Variants in EFCAB6 observed in about 807,000 individuals in gnomAD.
EFCAB6 encodes EF-hand calcium binding domain 6, also known as EF-hand calcium-binding domain-containing protein 6.
In EFCAB6, 156 loss-of-function variants were observed where a neutral mutation model predicts 169.8. The observed-to-expected ratio is 0.92, with a 90% confidence interval of 0.81 to 1.05. The LOEUF is 1.05. Ranked by LOEUF, EFCAB6 falls within the 50% of genes least tolerant of loss-of-function variation. EFCAB6 has a pLI of 0.00. For synonymous variants in EFCAB6, 698 were observed against 676.4 expected (o/e 1.03, Z -0.50); for missense variants, 1,800 against 1,829.1 (o/e 0.98, Z 0.29).
intron 2 of EFCAB6, among the ~76,000 whole-genome samples, chr22:43,789,847 TCACACACACA>T (rs34752280): frequency 5.0e-4 from 72 of 143,404 alleles, no homozygotes; most frequent in Admixed American, 1.7e-3. Flanking sequence ...TGGCTAACCT[TCACACACACA>T]CACACACACA....
intron 10 of EFCAB6, among the ~76,000 whole-genome samples, chr22:43,690,120 G>T (rs998208083): frequency 1.3e-5 from 2 of 152,052 alleles, no homozygotes; most frequent in African/African-American, 4.8e-5. Flanking sequence ...TTAAATTATT[G>T]CAATAATCTC....
chr22:43,711,497 T>C lies in EFCAB6; in HGVS notation c.1009A>G (p.Ile337Val). 3 of 1,582,192 alleles carry C rather than the reference T, an allele frequency of 1.9e-6. No homozygotes were observed. The highest frequency in any genetic ancestry group is 2.6e-6 in the Non-Finnish European group (3 of 1,171,650). The change falls in exon 10 of 32, where the codon ATT (isoleucine) becomes GTT (valine). Residue 337 changes from isoleucine (I) to valine (V), a missense_variant. By Grantham distance (29) the Ile-to-Val change is conservative. Transcript: ENST00000262726. Reference sequence around the variant, plus strand: ...TACCTTTTCATTAACTGGATAAAAATTCTTCTTGGTATTTGGTATACAAAA... The same window carrying C: ...TACCTTTTCATTAACTGGATAAAAACTCTTCTTGGTATTTGGTATACAAAA... ...DTFVYQIPRR[I>V]FIQLMKRFGL...
intron 26 of EFCAB6, among the ~76,000 whole-genome samples, chr22:43,575,301 CA>C (rs2050170890): frequency 6.6e-6 from 1 of 151,762 alleles, no homozygotes; most frequent in Admixed American, 6.6e-5. Flanking sequence ...GGTGATTCTC[CA>C]GCCTCAGCCT....
intron 12 of EFCAB6, among the ~76,000 whole-genome samples, chr22:43,682,363 C>T (rs2058039213): frequency 6.6e-6 from 1 of 152,210 alleles, no homozygotes; most frequent in African/African-American, 2.4e-5. Flanking sequence ...GTTTATTGAT[C>T]TCAAGTTGAA....
chr22:43,537,310 C>A lies in EFCAB6; in HGVS notation c.4048+67G>T. 6.4e-7 allele frequency: 1 copy of A among 1,569,988 alleles called. No homozygotes were observed. Among genetic ancestry groups the A allele is most frequent in the South Asian group, 1.2e-5 (1 of 83,970 alleles). On this transcript the variant is annotated intron_variant, in intron 29 of 31. Transcript: ENST00000262726. The surrounding 1 kb of genome is among the most constrained non-coding windows in gnomAD (Gnocchi z 4.3). ...TCCACCCGGGGTGTGGCTTTGTACC[C>A]AGTGGGAACAGCCTCTTGCCACAGG... is the stretch of plus-strand genomic sequence containing the variant.
intron 6 of EFCAB6, among the ~76,000 whole-genome samples, chr22:43,752,842 C>T (rs957760821): frequency 2.6e-5 from 4 of 152,048 alleles, no homozygotes; most frequent in African/African-American, 9.7e-5. Flanking sequence ...TCTTCGGTTT[C>T]TCATAAGGGA....
chr22:43,686,073 C>G (rs2058184135), intron 11 of EFCAB6, among the ~76,000 whole-genome samples: 1 of 148,852 alleles, frequency 6.7e-6, no homozygotes, highest in Non-Finnish European at 1.5e-5. Flanking sequence ...CCTCTGCATC[C>G]TGGGTTCAAG....
chr22:43,674,108 T>C (rs1175663662), intron 13 of EFCAB6, among the ~76,000 whole-genome samples: 1 of 152,200 alleles, frequency 6.6e-6, no homozygotes, highest in African/African-American at 2.4e-5. Context: ...TCAATAAAGC[T>C]GTTTTTAAAA....
At chr22:43,585,907 A>T (rs2051034382) in intron 24 of EFCAB6, among the ~76,000 whole-genome samples, 1 of 152,194 alleles carries the variant, frequency 6.6e-6, no homozygotes, top group Non-Finnish European at 1.5e-5. Flanking sequence ...TAAACCTAGA[A>T]TGCTAAATCC....
At chr22:43,549,635 A>G (rs1180611565) in intron 27 of EFCAB6, among the ~76,000 whole-genome samples, 1 of 152,224 alleles carries the variant, frequency 6.6e-6, no homozygotes, top group Non-Finnish European at 1.5e-5. Flanking sequence ...ATCTTACCCA[A>G]ATTATTCTGG....
chr22:43,781,761 A>C (rs1179525171), intron 3 of EFCAB6, among the ~76,000 whole-genome samples: 1 of 152,126 alleles, frequency 6.6e-6, no homozygotes, highest in Non-Finnish European at 1.5e-5. Flanking sequence ...TAACAAATGT[A>C]CCACAGTAAT....
At chr22:43,620,934 A>G (rs959986706) in intron 20 of EFCAB6, among the ~76,000 whole-genome samples, 1 of 152,184 alleles carries the variant, frequency 6.6e-6, no homozygotes, top group African/African-American at 2.4e-5. Context: ...ATTCTTTTCA[A>G]GTATACACAG....
chr22:43,794,045 T>A (rs2062408337), intron 2 of EFCAB6, among the ~76,000 whole-genome samples: 2 of 152,044 alleles, frequency 1.3e-5, no homozygotes, highest in African/African-American at 4.8e-5. Context: ...ATTTCCAGGC[T>A]CCACCCAGAC....
Position 43,529,711 on chromosome 22 carries a change from G to A in EFCAB6, c.4384-736C>T, listed in dbSNP as rs1434864188. On this transcript the variant is annotated intron_variant, in intron 31 of 31. Transcript: ENST00000262726. ...CCACCTTGGATCATGAGGTGGCCTA[G>A]AGGAAGGAAGCCAGGAGTTGAGAAC... Among the ~76,000 whole-genome samples, 3 of 152,306 alleles carry A rather than the reference G, an allele frequency of 2.0e-5. No individual in the cohort carries two copies. In the East Asian group the frequency reaches 5.8e-4, roughly 29 times the overall value.
chr22:43,638,415 T>C (rs2055573348), intron 17 of EFCAB6, among the ~76,000 whole-genome samples: 1 of 152,170 alleles, frequency 6.6e-6, no homozygotes, highest in Non-Finnish European at 1.5e-5. Flanking sequence ...TACCAGATAG[T>C]CGTCACTCCG....
At chr22:43,799,405 T>C (rs2062626057) in intron 2 of EFCAB6, among the ~76,000 whole-genome samples, 1 of 151,864 alleles carries the variant, frequency 6.6e-6, no homozygotes, top group Non-Finnish European at 1.5e-5. Flanking sequence ...TTTCATAGGA[T>C]TATTCACCAA....
Position 43,533,788 on chromosome 22 carries a change from C to T in EFCAB6, c.4233+900G>A, listed in dbSNP as rs538181402. ...TAAGTATTGCTCACGTTATCACATGCGTATAGAGATCATCTGAGTAGGGTC... is the reference window on the plus strand; with the variant it reads ...TAAGTATTGCTCACGTTATCACATGTGTATAGAGATCATCTGAGTAGGGTC... On this transcript the variant is annotated intron_variant, in intron 30 of 31. Coordinates refer to ENST00000262726, the MANE Select transcript of EFCAB6 (RefSeq NM_022785.4). Among the ~76,000 whole-genome samples the T allele has an allele frequency of 1.6e-3, 244 of 152,194 alleles. 2 individuals carry two copies. Among genetic ancestry groups the T allele is most frequent in the African/African-American group, 5.4e-3 (226 of 41,520 alleles).
Position 43,671,465 on chromosome 22 carries a change from G to A in EFCAB6, c.1640+508C>T, listed in dbSNP as rs1393237363. Among the ~76,000 whole-genome samples, 5 of 152,252 alleles carry A rather than the reference G, an allele frequency of 3.3e-5. No individual in the cohort carries two copies. The East Asian group carries it at 5.8e-4, about 18-fold the overall frequency. On this transcript the variant is annotated intron_variant, in intron 15 of 31. Transcript: ENST00000262726. ...TATTTGATAATTGTGGTTTTAAAAC[G>A]ACATGAAACTCTTGCTCTATCAGAA... is the stretch of plus-strand genomic sequence containing the variant.
intron 17 of EFCAB6, among the ~76,000 whole-genome samples, chr22:43,657,505 A>G (rs2056809007): frequency 6.6e-6 from 1 of 152,178 alleles, no homozygotes; most frequent in Non-Finnish European, 1.5e-5. Context: ...GAAAAAGAAA[A>G]CAATCACAAG....
Sources: allele counts gnomAD v4.1 joint callset (sites outside exome capture counted in the v4.1 genomes callset), GRCh38; gene constraint gnomAD v4.1.1; non-coding constraint Gnocchi (gnomAD v3.1); transcripts MANE v1.5; gene names NCBI Gene and HGNC (gene_info 2026-07-23, HGNC 2026-07-21).